The following CDH8 variants were observed in gnomAD, a reference collection of about 807,000 sequenced individuals.
CDH8 encodes the protein cadherin-8.
Under a neutral mutation model 68.1 loss-of-function variants are expected in CDH8, and 17 were observed. The observed-to-expected ratio is 0.25, with a 90% CI of 0.17 to 0.37. The LOEUF is 0.37. Among genes scored for constraint, CDH8 ranks in the 10% least tolerant of loss-of-function variants. CDH8 has a pLI of 1.00. For missense variants in CDH8, 763 were observed against 999.3 expected, an observed-to-expected ratio of 0.76 and a Z score of 3.19; for synonymous variants, 372 against 365.1, an observed-to-expected ratio of 1.02 and a Z score of -0.21.
chr16:62,021,540 G>T lies in CDH8; in HGVS notation c.-137C>A. ...CCACGTGTCTATAGCACGGGAAACA[G>T]ACATCATCTAAGCAGCTTTTCTAAG... On this transcript the variant is annotated 5_prime_UTR_variant, in exon 2 of 12. It adds an upstream start codon to the 5' untranslated region. Coordinates refer to ENST00000577390, the MANE Select transcript of CDH8 (RefSeq NM_001796.5). 6.9e-7 allele frequency: 1 copy of T among 1,446,034 alleles called. No homozygotes were observed. The highest frequency in any genetic ancestry group is 1.6e-5 in the South Asian group (1 of 61,586). 89.6% of individuals were successfully genotyped at this position (1,446,034 alleles called of 1,614,324 possible). A position where few individuals can be genotyped will look rare whatever the true frequency, so the allele number is the denominator to read the frequency against.
chr16:61,933,740 C>T (rs958546595), intron 2 of CDH8, among the ~76,000 whole-genome samples: 29 of 151,846 alleles, frequency 1.9e-4, no homozygotes, highest in Non-Finnish European at 5.9e-5. Context: ...TTTTTTGCAA[C>T]CTTCACATGT....
At chr16:61,854,927 T>A (rs890299786) in intron 4 of CDH8, among the ~76,000 whole-genome samples, 1 of 152,260 alleles carries the variant, frequency 6.6e-6, no homozygotes, top group East Asian at 1.9e-4. Context: ...TTGCAGACAT[T>A]TACCCAAAAA....
intron 3 of CDH8, 69 bp from the exon 4 acceptor site, chr16:61,857,307 C>T: frequency 7.2e-7 from 1 of 1,398,550 alleles, no homozygotes; most frequent in Non-Finnish European, 9.9e-7. Context: ...TACATTTTGT[C>T]AAGTATTTTA....
chr16:61,799,431 C>A (rs948304519), intron 7 of CDH8, among the ~76,000 whole-genome samples: 3 of 151,864 alleles, frequency 2.0e-5, no homozygotes, highest in African/African-American at 7.3e-5. Context: ...TCTGCTAAGC[C>A]CTATATATTA....
At chr16:61,809,175 A>G (rs1961878108) in intron 7 of CDH8, among the ~76,000 whole-genome samples, 1 of 151,994 alleles carries the variant, frequency 6.6e-6, no homozygotes, top group Non-Finnish European at 1.5e-5. Flanking sequence ...AACAAGAGCA[A>G]AACTCCATCT....
intron 3 of CDH8, among the ~76,000 whole-genome samples, chr16:61,864,981 GAC>G (rs1963225897): frequency 6.6e-6 from 1 of 152,106 alleles, no homozygotes; most frequent in Non-Finnish European, 1.5e-5. Context: ...TCTCTTTTAT[GAC>G]ACATACCACA....
chr16:61,837,214 T>C (rs2143006744), intron 4 of CDH8, among the ~76,000 whole-genome samples: 1 of 152,220 alleles, frequency 6.6e-6, no homozygotes, highest in South Asian at 2.1e-4. Context: ...TCACTGTCTG[T>C]GCAAGACATA....
intron 10 of CDH8, among the ~76,000 whole-genome samples, chr16:61,663,111 T>C (rs1381517824): frequency 6.6e-6 from 1 of 151,932 alleles, no homozygotes; most frequent in Non-Finnish European, 1.5e-5. Flanking sequence ...GGTAGTAGAA[T>C]TGAGTTTCCT....
chr16:61,771,721 A>G (rs1960784066), intron 8 of CDH8, among the ~76,000 whole-genome samples: 1 of 151,976 alleles, frequency 6.6e-6, no homozygotes, highest in African/African-American at 2.4e-5. Flanking sequence ...ACCCACACAT[A>G]CATATATTCT....
intron 1 of CDH8, among the ~76,000 whole-genome samples, chr16:62,021,934 C>T (rs1902085395): frequency 6.6e-6 from 1 of 152,096 alleles, no homozygotes; most frequent in African/African-American, 2.4e-5. Flanking sequence ...CTCTGTCCAT[C>T]CCTTCCTCTC....
At chr16:61,892,487 C>T (rs1963795336) in intron 3 of CDH8, among the ~76,000 whole-genome samples, 1 of 152,134 alleles carries the variant, frequency 6.6e-6, no homozygotes, top group Non-Finnish European at 1.5e-5. Context: ...AGCAGTTTCA[C>T]TTTCTTTAAT....
At chr16:61,801,250 T>A (rs1236324853) in intron 7 of CDH8, among the ~76,000 whole-genome samples, 1 of 152,236 alleles carries the variant, frequency 6.6e-6, no homozygotes, top group Non-Finnish European at 1.5e-5. Flanking sequence ...TATTTATAAC[T>A]AATAGCCAGG....
At chr16:61,856,240 TTACA>T (rs1199710430) in intron 4 of CDH8, among the ~76,000 whole-genome samples, 3 of 152,036 alleles carry the variant, frequency 2.0e-5, no homozygotes, top group Non-Finnish European at 4.4e-5. Context: ...ATTTGGAAAC[TTACA>T]TACAATACCA....
intron 4 of CDH8, among the ~76,000 whole-genome samples, chr16:61,847,115 G>GA (rs1192998136): frequency 6.6e-6 from 1 of 151,934 alleles, no homozygotes; most frequent in Non-Finnish European, 1.5e-5. Context: ...AAATCCTTCT[G>GA]AAAAAGCCCA....
intron 10 of CDH8, among the ~76,000 whole-genome samples, chr16:61,699,208 G>A (rs1485896371): frequency 6.6e-6 from 1 of 152,096 alleles, no homozygotes; most frequent in African/African-American, 2.4e-5. Context: ...AAGGGTCCTG[G>A]TAAGAGAAGT....
chr16:61,933,367 A>G (rs1455647801), intron 2 of CDH8, among the ~76,000 whole-genome samples: 1 of 152,188 alleles, frequency 6.6e-6, no homozygotes, highest in East Asian at 1.9e-4. Flanking sequence ...GCATAGATAT[A>G]TTAGGGATAT....
chr16:61,881,451 A>T (rs1175082769), intron 3 of CDH8, among the ~76,000 whole-genome samples: 1 of 152,214 alleles, frequency 6.6e-6, no homozygotes, highest in East Asian at 1.9e-4. Context: ...TGCCTACAGT[A>T]AAGGTAATAG....
At chr16:61,811,985 C>T (rs878997956) in intron 7 of CDH8, among the ~76,000 whole-genome samples, 1 of 152,198 alleles carries the variant, frequency 6.6e-6, no homozygotes, top group Admixed American at 6.5e-5. Flanking sequence ...GAAGTTGCAC[C>T]TATTGTTAAT....
chr16:61,987,775 G>A (rs1190854065), intron 2 of CDH8, among the ~76,000 whole-genome samples: 2 of 150,836 alleles, frequency 1.3e-5, no homozygotes, highest in Non-Finnish European at 3.0e-5. Flanking sequence ...TCTGAAAATC[G>A]TTCATCCGTA....
Sources: allele counts gnomAD v4.1 joint callset (sites outside exome capture counted in the v4.1 genomes callset), GRCh38; gene constraint gnomAD v4.1.1; transcripts MANE v1.5; gene names NCBI Gene and HGNC (gene_info 2026-07-23, HGNC 2026-07-21).